The following RIMKLB variants were observed in gnomAD, a reference collection of about 807,000 sequenced individuals.
RIMKLB encodes ribosomal modification protein rimK like family member B.
A neutral mutation model predicts 32.0 loss-of-function variants in RIMKLB; 7 were observed. That is an observed-to-expected ratio of 0.22 (90% CI 0.12 to 0.41). The LOEUF (loss-of-function observed/expected upper bound fraction) is 0.41. Among genes scored for constraint, RIMKLB ranks in the 10% least tolerant of loss-of-function variants. RIMKLB has a pLI of 1.00. For missense variants in RIMKLB, 289 were observed against 498.7 expected, an observed-to-expected ratio of 0.58 and a Z score of 4.00; for synonymous variants, 172 against 185.1, an observed-to-expected ratio of 0.93 and a Z score of 0.57.
chr12:8,703,519 G>A (rs1390923560), intron 1 of RIMKLB, among the ~76,000 whole-genome samples: 2 of 151,982 alleles, frequency 1.3e-5, no homozygotes, highest in African/African-American at 4.8e-5. Flanking sequence ...ACTTTTTGTA[G>A]AGATGAGACC....
intron 5 of RIMKLB, among the ~76,000 whole-genome samples, chr12:8,766,208 T>C (rs1949945602): frequency 6.6e-6 from 1 of 152,162 alleles, no homozygotes; most frequent in South Asian, 2.1e-4. Flanking sequence ...CTTATTCCTT[T>C]CCAGGGTGTG....
chr12:8,683,040 C>T (rs80277209), intron 1 of RIMKLB, among the ~76,000 whole-genome samples: 7,264 of 152,142 alleles, frequency 0.048, 510 homozygotes, highest in African/African-American at 0.15. Context: ...ACTTCTTCCA[C>T]TTAGTAATAT....
At chr12:8,738,532 A>G (rs1947220158) in intron 2 of RIMKLB, among the ~76,000 whole-genome samples, 1 of 152,252 alleles carries the variant, frequency 6.6e-6, no homozygotes, top group Non-Finnish European at 1.5e-5. Flanking sequence ...TTTCCTGGAC[A>G]GTATTTGTAT....
intron 1 of RIMKLB, among the ~76,000 whole-genome samples, chr12:8,711,285 A>G (rs2136917816): frequency 6.6e-6 from 1 of 151,914 alleles, no homozygotes; most frequent in South Asian, 2.1e-4. Context: ...CATCTCAGCT[A>G]CTTGGGAGGC....
chr12:8,684,360 C>T (rs1013999589), intron 1 of RIMKLB, among the ~76,000 whole-genome samples: 5 of 151,846 alleles, frequency 3.3e-5, no homozygotes, highest in Admixed American at 1.3e-4. Context: ...TTTAGTAGAG[C>T]TGGGCTTTCA....
At chr12:8,739,938 C>T (rs981016238) in intron 2 of RIMKLB, among the ~76,000 whole-genome samples, 3 of 152,128 alleles carry the variant, frequency 2.0e-5, no homozygotes, top group Admixed American at 6.5e-5. Flanking sequence ...GACAGGGTCT[C>T]GCTCTGTCAC....
At chr12:8,691,561 G>A (rs1484114517) in intron 1 of RIMKLB, among the ~76,000 whole-genome samples, 1 of 152,138 alleles carries the variant, frequency 6.6e-6, no homozygotes, top group Non-Finnish European at 1.5e-5. Flanking sequence ...AGTAGAGATC[G>A]AGCCACTGCA....
upstream of RIMKLB, among the ~76,000 whole-genome samples, chr12:8,681,112 C>A (rs1942401078): frequency 6.6e-6 from 1 of 151,976 alleles, no homozygotes; most frequent in Admixed American, 6.6e-5. Context: ...AGGTCCATAC[C>A]ACCACGCCCA....
Position 8,774,500 on chromosome 12 carries a change from T to G in RIMKLB, c.*716T>G, listed in dbSNP as rs1194434081. On this transcript the variant is annotated 3_prime_UTR_variant, in exon 6 of 6. Transcript: ENST00000535829. Reference sequence around the variant, plus strand: ...TCAATGTAGATAAAATTACACTAGTTTAAAATATGTGCATTCACTTGTATT... The same window carrying G: ...TCAATGTAGATAAAATTACACTAGTGTAAAATATGTGCATTCACTTGTATT... The G allele has an allele frequency of 1.0e-6, 1 of 981,540 alleles. No individual in the cohort carries two copies. Among genetic ancestry groups the G allele is most frequent in the Non-Finnish European group, 1.2e-6 (1 of 826,228 alleles). The allele number at this position is 981,540 out of a possible 1,614,324, so 60.8% of individuals were successfully genotyped here. A position where few individuals can be genotyped will look rare whatever the true frequency, so the allele number is the denominator to read the frequency against.
intron 2 of RIMKLB, 162 bp downstream of exon 2, chr12:8,714,203 ATATT>A (rs1445084774): frequency 1.7e-6 from 1 of 571,982 alleles, no homozygotes; most frequent in African/African-American, 1.9e-5. Context: ...ATAAACACTA[ATATT>A]TATTAACTTT....
intron 1 of RIMKLB, among the ~76,000 whole-genome samples, chr12:8,706,247 C>T (rs1486142162): frequency 6.6e-6 from 1 of 151,656 alleles, no homozygotes; most frequent in African/African-American, 2.4e-5. Context: ...TCAAGTGACT[C>T]CTCTTCCTCA....
At chr12:8,738,598 CTT>C (rs574087701) in intron 2 of RIMKLB, among the ~76,000 whole-genome samples, 10 of 152,092 alleles carry the variant, frequency 6.6e-5, no homozygotes, top group Admixed American at 2.0e-4. Flanking sequence ...ACTTTTAAAT[CTT>C]TTTGTCTGAT....
At position 8,750,318 on chromosome 12, in the gene RIMKLB, A is replaced by T. The variant is rs753118042; in HGVS notation, c.406+226A>T. Among the ~76,000 whole-genome samples, 4 of 152,310 alleles carry T rather than the reference A, an allele frequency of 2.6e-5. No homozygotes were observed. The East Asian group carries it at 7.7e-4, about 29-fold the overall frequency. On this transcript the variant is annotated intron_variant, in intron 3 of 5. Transcript: ENST00000535829. ...CAAGATTGTAAGTATTTTAGGTTTT[A>T]TAAGCCATTAAGTTCTCTGGTAACC...
upstream of RIMKLB, chr12:8,697,093 C>A (rs1942915510): frequency 6.6e-6 from 1 of 152,100 alleles, no homozygotes; most frequent in African/African-American, 2.4e-5. Flanking sequence ...TATCTCATTT[C>A]ATTCTCACAA....
chr12:8,766,196 T>C (rs1373645586), intron 5 of RIMKLB, among the ~76,000 whole-genome samples: 1 of 152,190 alleles, frequency 6.6e-6, no homozygotes, highest in Non-Finnish European at 1.5e-5. Flanking sequence ...ATGGTCTTAA[T>C]GCTTATTCCT....
chr12:8,671,571 C>A, the RIMKLB span, among the ~76,000 whole-genome samples: 3 of 151,788 alleles, frequency 2.0e-5, no homozygotes, highest in African/African-American at 7.3e-5. Context: ...TTCTATTGCA[C>A]AGTCAGGTTG....
intron 1 of RIMKLB, among the ~76,000 whole-genome samples, chr12:8,684,683 G>A (rs1241372434): frequency 6.6e-6 from 1 of 152,166 alleles, no homozygotes; most frequent in Non-Finnish European, 1.5e-5. Context: ...CTGGAGGGCA[G>A]TGGCACAGTC....
downstream of RIMKLB, chr12:8,777,432 A>C: frequency 1.0e-6 from 1 of 984,908 alleles, no homozygotes; most frequent in African/African-American, 1.7e-5. Flanking sequence ...TACCAATGCC[A>C]TTTTGCCATG....
chr12:8,761,038 GAT>G (rs1401163447), intron 5 of RIMKLB, among the ~76,000 whole-genome samples: 1 of 152,042 alleles, frequency 6.6e-6, no homozygotes, highest in East Asian at 1.9e-4. Flanking sequence ...GGATTATGTT[GAT>G]ATATTTTAGA....
Sources: allele counts gnomAD v4.1 joint callset (sites outside exome capture counted in the v4.1 genomes callset), GRCh38; gene constraint gnomAD v4.1.1; transcripts MANE v1.5; gene names NCBI Gene and HGNC (gene_info 2026-07-23, HGNC 2026-07-21).